The following ECPAS variants were observed in gnomAD, a reference collection of about 807,000 sequenced individuals.
ECPAS encodes proteasome adapter and scaffold protein ECM29.
ECPAS carries 70 observed loss-of-function variants against 255.1 expected under a neutral mutation model. The ratio of observed to expected loss-of-function variants is 0.27; its 90% CI spans 0.23 to 0.33. ECPAS has a LOEUF of 0.33. Ranked by LOEUF, ECPAS falls within the 10% of genes least tolerant of loss-of-function variation. ECPAS has a pLI of 1.00. For missense variants in ECPAS, 1,817 were observed against 2,206.4 expected, an observed-to-expected ratio of 0.82 and a Z score of 3.54; for synonymous variants, 784 against 775.0, an observed-to-expected ratio of 1.01 and a Z score of -0.19.
At chr9:111,384,357 T>C (rs879745791) in intron 34 of ECPAS, among the ~76,000 whole-genome samples, 165 bp downstream of exon 34, 4 of 152,234 alleles carry the variant, frequency 2.6e-5, no homozygotes, top group Non-Finnish European at 5.9e-5. Context: ...AGTACTGCAG[T>C]GTTTACAGCA....
At chr9:111,373,615 C>CA (rs144220694) in intron 39 of ECPAS, among the ~76,000 whole-genome samples, 8,477 of 152,040 alleles carry the variant, frequency 0.056, 572 homozygotes, top group African/African-American at 0.15. Context: ...GAAAAAGATG[C>CA]AAAATAAGAA....
intron 27 of ECPAS, among the ~76,000 whole-genome samples, 152 bp from the exon 28 acceptor site, chr9:111,393,034 A>AATT: frequency 6.6e-6 from 1 of 152,368 alleles, no homozygotes; most frequent in Admixed American, 6.5e-5. Flanking sequence ...TTTTGTTAAA[A>AATT]ATAATAATCA....
chr9:111,480,211 T>C (rs1018994000), intron 1 of ECPAS, among the ~76,000 whole-genome samples: 3 of 151,648 alleles, frequency 2.0e-5, no homozygotes, highest in Non-Finnish European at 2.9e-5. Flanking sequence ...GCTTTTACTA[T>C]CATCTACTAG....
chr9:111,474,974 C>A (rs1371367392), intron 1 of ECPAS, among the ~76,000 whole-genome samples: 5 of 152,190 alleles, frequency 3.3e-5, no homozygotes, highest in Non-Finnish European at 7.3e-5. Flanking sequence ...CAGACTTACT[C>A]AGCTTTTTTT....
chr9:111,370,948 T>G (rs1301003242), intron 43 of ECPAS, among the ~76,000 whole-genome samples, 183 bp from the exon 44 acceptor site: 1 of 152,238 alleles, frequency 6.6e-6, no homozygotes, highest in Non-Finnish European at 1.5e-5. Context: ...AAACCATGGA[T>G]GTAGGATAAT....
intron 49 of ECPAS, 62 bp downstream of exon 49, chr9:111,363,526 A>T: frequency 9.7e-7 from 1 of 1,025,654 alleles, no homozygotes; most frequent in Non-Finnish European, 1.5e-6. Flanking sequence ...CGAAACAAAA[A>T]ATTTCTAAAA....
intron 2 of ECPAS, among the ~76,000 whole-genome samples, chr9:111,466,162 A>G (rs1242200562): frequency 6.6e-6 from 1 of 151,960 alleles, no homozygotes; most frequent in Non-Finnish European, 1.5e-5. Flanking sequence ...GAAAGAACAA[A>G]AAGAGGCAGG....
At chr9:111,478,266 C>T (rs372990673) in intron 1 of ECPAS, among the ~76,000 whole-genome samples, 1 of 151,884 alleles carries the variant, frequency 6.6e-6, no homozygotes, top group Non-Finnish European at 1.5e-5. Context: ...CAGTGGCTCA[C>T]GCCTGTAATC....
At chr9:111,455,259 C>T (rs770257768) in intron 2 of ECPAS, among the ~76,000 whole-genome samples, 14 of 152,086 alleles carry the variant, frequency 9.2e-5, no homozygotes, top group Non-Finnish European at 1.6e-4. Context: ...CCAAGGAGGG[C>T]AGATCATGAG....
chr9:111,391,088 G>A (rs900638163), intron 29 of ECPAS, among the ~76,000 whole-genome samples: 5 of 152,156 alleles, frequency 3.3e-5, no homozygotes, highest in South Asian at 2.1e-4. Flanking sequence ...GAACAACTCC[G>A]AAAGGCCACC....
chr9:111,366,244 G>C lies in ECPAS; in HGVS notation c.5303C>G (p.Ser1768Cys). Residue 1768 changes from serine (S) to cysteine (C), a missense_variant, in exon 48 of 50, where the codon TCT becomes TGT. Ser to Cys is a moderately radical substitution (Grantham distance 112). Coordinates refer to ENST00000684092, the MANE Select transcript of ECPAS (RefSeq NM_001364929.1). ...TTTTAGTTTACTACACTCACCTAAAGAATATGTGATTGATTTACAAGTTTC... is the reference window on the plus strand; with the variant it reads ...TTTTAGTTTACTACACTCACCTAAACAATATGTGATTGATTTACAAGTTTC... ...LLETCKSITY[S>C]LENKTYSSVR... is the part of the protein sequence containing the mutation. 1 of 1,559,986 alleles carries C rather than the reference G, an allele frequency of 6.4e-7. No individual in the cohort carries two copies. The highest frequency in any genetic ancestry group is 8.7e-7 in the Non-Finnish European group (1 of 1,148,326).
In ECPAS at chr9:111,468,296, C is replaced by A. The variant is rs190880676; in HGVS notation, c.22+4601G>T. Among the ~76,000 whole-genome samples the A allele has an allele frequency of 2.8e-3, 429 of 152,268 alleles. 1 individual carries two copies. Among genetic ancestry groups the A allele is most frequent in the Non-Finnish European group, 5.3e-3 (360 of 68,016 alleles). On this transcript the variant is annotated intron_variant, in intron 2 of 49. Coordinates refer to ENST00000684092, the MANE Select transcript of ECPAS (RefSeq NM_001364929.1). ...CCAATTTACAGTTGAGGAAACAGAG[C>A]CTTGAAAACATTCTGTTGACCAAGA... is the stretch of plus-strand genomic sequence containing the variant.
At chr9:111,440,650 C>G in intron 5 of ECPAS, 129 bp from the exon 6 acceptor site, 2 of 651,410 alleles carry the variant, frequency 3.1e-6, no homozygotes, top group Non-Finnish European at 5.1e-6. Flanking sequence ...CTTTTCAACA[C>G]TACTAATTTA....
At chr9:111,440,060 G>A (rs1272722131) in intron 6 of ECPAS, among the ~76,000 whole-genome samples, 4 of 151,532 alleles carry the variant, frequency 2.6e-5, no homozygotes, top group Non-Finnish European at 5.9e-5. Context: ...AGAGAGTCTC[G>A]CTCTGTTACC....
chr9:111,435,184 C>G (rs1158558460), intron 7 of ECPAS, among the ~76,000 whole-genome samples: 1 of 152,132 alleles, frequency 6.6e-6, no homozygotes, highest in Non-Finnish European at 1.5e-5. Flanking sequence ...CAGGCCCGAG[C>G]CACGACACCC....
At position 111,378,672 on chromosome 9, in the gene ECPAS, G is replaced by C; in HGVS notation, c.3862C>G (p.Pro1288Ala). The change falls in exon 36 of 50, where the codon CCA (proline) becomes GCA (alanine). Residue 1288 changes from proline to alanine, a missense_variant. By Grantham distance (27) the Pro-to-Ala change is conservative (BLOSUM62 -1). This residue lies in a region of ECPAS where 960 missense variants were observed against 1,179.0 expected (regional missense o/e 0.81). Coordinates refer to ENST00000684092, the MANE Select transcript of ECPAS (RefSeq NM_001364929.1). ...TCTAGCAGAGCTGGAATGAGTTTTGGTGCATGCGGTTTCAACATGGCTCCT... is the reference window on the plus strand; with the variant it reads ...TCTAGCAGAGCTGGAATGAGTTTTGCTGCATGCGGTTTCAACATGGCTCCT... ...SAGAMLKPHA[P>A]KLIPALLESL... The C allele has an allele frequency of 6.2e-7, 1 of 1,613,842 alleles. No homozygotes were observed. Among genetic ancestry groups the C allele is most frequent in the Non-Finnish European group, 8.5e-7 (1 of 1,179,764 alleles).
At chr9:111,465,036 G>C (rs923653616) in intron 2 of ECPAS, among the ~76,000 whole-genome samples, 5 of 151,320 alleles carry the variant, frequency 3.3e-5, no homozygotes, top group African/African-American at 1.2e-4. Context: ...ATACAAGGAG[G>C]CTGAGGCAGG....
At chr9:111,379,008 T>C (rs1407939125) in intron 35 of ECPAS, among the ~76,000 whole-genome samples, 1 of 152,088 alleles carries the variant, frequency 6.6e-6, no homozygotes, top group East Asian at 1.9e-4. Context: ...TTTATATTTA[T>C]AGTGAAATTT....
intron 20 of ECPAS, among the ~76,000 whole-genome samples, chr9:111,413,670 T>A (rs1215421689): frequency 6.6e-6 from 1 of 152,058 alleles, no homozygotes; most frequent in East Asian, 1.9e-4. Flanking sequence ...AAAAGGAACT[T>A]TTTTTTACTC....
Sources: allele counts gnomAD v4.1 joint callset (sites outside exome capture counted in the v4.1 genomes callset), GRCh38; gene constraint gnomAD v4.1.1; regional missense constraint gnomAD v4.1.1; transcripts MANE v1.5; gene names NCBI Gene and HGNC (gene_info 2026-07-23, HGNC 2026-07-21).